Variants in SIPA1 observed in about 807,000 individuals in gnomAD.
SIPA1 encodes the protein signal-induced proliferation-associated protein 1.
A neutral mutation model predicts 88.1 loss-of-function variants in SIPA1; 51 were observed. The ratio of observed to expected loss-of-function variants is 0.58; its 90% CI spans 0.46 to 0.73. SIPA1 has a LOEUF of 0.73. Ranked by LOEUF, SIPA1 falls within the 30% of genes least tolerant of loss-of-function variation. The probability of loss-of-function intolerance (pLI) is 0.00; values close to 1 mark genes in which losing one functional copy is unlikely to be tolerated. For missense variants in SIPA1, 1,348 were observed against 1,467.6 expected, an observed-to-expected ratio of 0.92 and a Z score of 1.33; for synonymous variants, 681 against 664.8, an observed-to-expected ratio of 1.02 and a Z score of -0.37.
rs758072381 is a variant in SIPA1 at position 65,640,888 on chromosome 11, C to T, written c.-34C>T. On this transcript the variant is annotated 5_prime_UTR_variant, in exon 2 of 16. Transcript: ENST00000534313. ...CACCAAACACCCGTGCCCGCCAATG[C>T]GGCCCAGCCCCCGGAGAGTCAGGCC... 17 of 1,448,934 alleles carry T rather than the reference C, an allele frequency of 1.2e-5. No individual in the cohort carries two copies. Among genetic ancestry groups the T allele is most frequent in the Admixed American group, 8.4e-5 (3 of 35,734 alleles). 89.8% of individuals were successfully genotyped at this position (1,448,934 alleles called of 1,614,324 possible).
chr11:65,641,805 C>G (rs764111815), intron 2 of SIPA1, among the ~76,000 whole-genome samples: 5 of 152,194 alleles, frequency 3.3e-5, no homozygotes, highest in Non-Finnish European at 5.9e-5. Context: ...CACCCCCAGC[C>G]AGGGCTGGTC....
intron 5 of SIPA1, 37 bp from the exon 6 acceptor site, chr11:65,645,814 CTTG>C: frequency 6.7e-7 from 1 of 1,484,904 alleles, no homozygotes; most frequent in Non-Finnish European, 9.3e-7. Flanking sequence ...TTAGATTCCC[CTTG>C]TTTTCTCCTT....
chr11:65,646,756 G>C lies in SIPA1; in HGVS notation c.1722G>C (p.Glu574Asp). The change falls in exon 8 of 16, where the codon GAG becomes GAC. Residue 574 changes from glutamate to aspartate, a missense_variant. This residue lies in a region of SIPA1 where 68 missense variants were observed against 59.0 expected (regional missense o/e 1.15). Transcript: ENST00000534313. This position sits in a 1 kb window ranked among gnomAD's most constrained non-coding sequence, Gnocchi z 7.5. ...CGGCCCCTCGGGGCCCAGGCGCCGA[G>C]CTGCAGGCAGCGGGCTCACTGGTGT... ...RRAAPRGPGA[E>D]LQAAGSLVWG... 3 of 1,496,942 alleles carry C rather than the reference G, an allele frequency of 2.0e-6. No individual in the cohort carries two copies. Among genetic ancestry groups the C allele is most frequent in the Middle Eastern group, 2.3e-4 (1 of 4,410 alleles). 92.7% of individuals were successfully genotyped at this position (1,496,942 alleles called of 1,614,324 possible).
Position 65,647,057 on chromosome 11 carries a change from C to A in SIPA1, c.2023C>A (p.Arg675Ser). The change falls in exon 8 of 16, where the codon CGC becomes AGC. Residue 675 changes from arginine (R) to serine (S), a missense_variant. By Grantham distance (110) the Arg-to-Ser change is moderately radical. Coordinates refer to ENST00000534313, the MANE Select transcript of SIPA1 (RefSeq NM_006747.4). Reference protein sequence around the residue: ...PGQAVGEVVARLQLVSRGCET... With the variant: ...PGQAVGEVVASLQLVSRGCET... ...CCAAGCCGTGGGCGAGGTGGTGGCGCGCCTGCAGGTGAGCTGGAGTGGTAA... is the reference window on the plus strand; with the variant it reads ...CCAAGCCGTGGGCGAGGTGGTGGCGAGCCTGCAGGTGAGCTGGAGTGGTAA... The A allele has an allele frequency of 6.5e-7, 1 of 1,539,730 alleles. No individual in the cohort carries two copies. Among genetic ancestry groups the A allele is most frequent in the Admixed American group, 2.0e-5 (1 of 50,726 alleles).
Position 65,647,454 on chromosome 11 carries a change from A to C in SIPA1, c.2102A>C (p.Glu701Ala). 6.7e-7 allele frequency: 1 copy of C among 1,483,002 alleles called. No individual in the cohort carries two copies. 91.9% of individuals were successfully genotyped at this position (1,483,002 alleles called of 1,614,324 possible). A position where few individuals can be genotyped will look rare whatever the true frequency, so the allele number is the denominator to read the frequency against. The change falls in exon 9 of 16, where the codon GAG becomes GCG. Residue 701 changes from glutamate (E) to alanine (A), a missense_variant. Physicochemically the swap from Glu to Ala is moderately radical, Grantham distance 107. Transcript: ENST00000534313. ...PRDGQGRLGF[E>A]VDAEGFVTHV... ...GACGGTCAAGGCCGCCTGGGCTTCGAGGTGGACGCCGAGGGATTCGTCACG... is the reference window on the plus strand; with the variant it reads ...GACGGTCAAGGCCGCCTGGGCTTCGCGGTGGACGCCGAGGGATTCGTCACG...
Position 65,647,010 on chromosome 11 carries a change from T to A in SIPA1, c.1976T>A (p.Leu659Gln). 1 of 1,540,566 alleles carries A rather than the reference T, an allele frequency of 6.5e-7. No individual in the cohort carries two copies. The highest frequency in any genetic ancestry group is 1.4e-5 in the African/African-American group (1 of 73,312). ...CACGGCCGCGGGGAGGCGATCACGCTGCGCTTCGACGGGTCCCCCGGCCAA... is the reference window on the plus strand; with the variant it reads ...CACGGCCGCGGGGAGGCGATCACGCAGCGCTTCGACGGGTCCCCCGGCCAA... ...LYHGRGEAIT[L>Q]RFDGSPGQAV... Residue 659 changes from leucine (L) to glutamine (Q), a missense_variant, in exon 8 of 16, where the codon CTG (leucine) becomes CAG (glutamine). Leu to Gln is a moderately radical substitution (Grantham distance 113). Around this residue, in one of 4 missense-constraint regions of SIPA1, gnomAD observed 615 missense variants for 559.8 expected, o/e 1.10. Transcript: ENST00000534313.
At chr11:65,643,489 C>T (rs1482103767) in intron 4 of SIPA1, among the ~76,000 whole-genome samples, 1 of 152,228 alleles carries the variant, frequency 6.6e-6, no homozygotes, top group Non-Finnish European at 1.5e-5. Flanking sequence ...TGCCAGGCCT[C>T]AGACTGGATG....
intron 10 of SIPA1, 37 bp downstream of exon 10, chr11:65,649,517 T>C: frequency 6.2e-7 from 1 of 1,613,928 alleles, no homozygotes; most frequent in Non-Finnish European, 8.5e-7. Flanking sequence ...TCCAGGCCTC[T>C]GGGAAAGCGG....
chr11:65,640,745 C>G (rs547191384), intron 1 of SIPA1, 86 bp from the exon 2 acceptor site: 1 of 534,138 alleles, frequency 1.9e-6, no homozygotes, highest in East Asian at 3.3e-5. Context: ...GGGCCGGAAG[C>G]CAACACGGGT....
At position 65,650,623 on chromosome 11, in the gene SIPA1, A is replaced by C. The variant is rs151177280; in HGVS notation, c.3037A>C (p.Asn1013His). Residue 1013 changes from asparagine (N) to histidine (H), a missense_variant, in exon 16 of 16, where the codon AAC becomes CAC. Physicochemically the swap from Asn to His is moderately conservative, Grantham distance 68 (BLOSUM62 1). Around this residue, in one of 4 missense-constraint regions of SIPA1, gnomAD observed 615 missense variants for 559.8 expected, o/e 1.10. Transcript: ENST00000534313. ...EEEVRSLRHN[N>H]RRLQAESESA... is the part of the protein sequence containing the mutation. ...GGAGGTGCGGAGCCTGAGACACAAC[A>C]ACCGGCGGCTGCAGGCGGAGTCTGA... is the stretch of plus-strand genomic sequence containing the variant. 43 of 1,578,058 alleles carry C rather than the reference A, an allele frequency of 2.7e-5. No individual in the cohort carries two copies. The highest frequency in any genetic ancestry group is 4.1e-5 in the African/African-American group (3 of 74,026).
chr11:65,643,327 C>G (rs920005259), intron 4 of SIPA1, among the ~76,000 whole-genome samples: 1 of 152,250 alleles, frequency 6.6e-6, no homozygotes, highest in African/African-American at 2.4e-5. Context: ...ACAGCCCCTG[C>G]TGGGTTTCCT....
rs759320086 is a variant in SIPA1, at chr11:65,641,049, C to G, written c.128C>G (p.Pro43Arg). The G allele has an allele frequency of 6.3e-7, 1 of 1,595,452 alleles. No homozygotes were observed. The highest frequency in any genetic ancestry group is 8.5e-7 in the Non-Finnish European group (1 of 1,175,046). Residue 43 changes from proline (P) to arginine (R), a missense_variant, in exon 2 of 16, where the codon CCG (proline) becomes CGG (arginine). This residue lies in a region of SIPA1 where 641 missense variants were observed against 797.7 expected (regional missense o/e 0.80). Transcript: ENST00000534313. ...RPPLTPHTFE[P>R]RPVRGPLLRS... Reference sequence around the variant, plus strand: ...CCGCTGACACCGCACACCTTCGAGCCGAGGCCAGTCCGGGGCCCACTCCTG... The same window carrying G: ...CCGCTGACACCGCACACCTTCGAGCGGAGGCCAGTCCGGGGCCCACTCCTG...
In SIPA1 at chr11:65,647,525, G is replaced by A. The variant is rs1229102768; in HGVS notation, c.2173G>A (p.Gly725Arg). 13 of 1,362,290 alleles carry A rather than the reference G, an allele frequency of 9.5e-6. No homozygotes were observed. In the East Asian group the frequency reaches 4.3e-4, roughly 45 times the overall value. The allele number at this position is 1,362,290 out of a possible 1,614,324, so 84.4% of individuals were successfully genotyped here. A position where few individuals can be genotyped will look rare whatever the true frequency, so the allele number is the denominator to read the frequency against. The stretch of plus-strand genomic sequence containing the variant: ...CGCCGAGACGGCGGGGCTGCGGCCC[G>A]GGGCGCGCCTCCTGCGCGTGTGCGG... ...TFAETAGLRP[G>R]ARLLRVCGQT... Residue 725 changes from glycine to arginine, a missense_variant, in exon 9 of 16, where the codon GGG (glycine) becomes AGG (arginine). Transcript: ENST00000534313.
chr11:65,650,729 A>T lies in SIPA1; in HGVS notation c.*14A>T. 1.9e-6 allele frequency: 3 copies of T among 1,554,606 alleles called. No individual in the cohort carries two copies. The South Asian group carries it at 3.6e-5, about 18-fold the overall frequency. ...GACCTGGCCTGAGCCGTCTGGAACC[A>T]CCTGGGCCCCTGAGGGCACTGTGGT... On this transcript the variant is annotated 3_prime_UTR_variant, in exon 16 of 16. Coordinates refer to ENST00000534313, the MANE Select transcript of SIPA1 (RefSeq NM_006747.4).
Position 65,642,660 on chromosome 11 carries a change from C to G in SIPA1, c.984+21C>G. On this transcript the variant is annotated intron_variant, in intron 4 of 15. Coordinates refer to ENST00000534313, the MANE Select transcript of SIPA1 (RefSeq NM_006747.4). This position sits in a 1 kb window ranked among gnomAD's most constrained non-coding sequence, Gnocchi z 6.5. ...AAGTGGTGAGTGGCGGGCCGCGGAG[C>G]CCCCAGCCATACAGCTGGCCCCAGT... is the stretch of plus-strand genomic sequence containing the variant. 3 of 1,507,516 alleles carry G rather than the reference C, an allele frequency of 2.0e-6. No homozygotes were observed. The highest frequency in any genetic ancestry group is 2.7e-6 in the Non-Finnish European group (3 of 1,127,710). 93.4% of individuals were successfully genotyped at this position (1,507,516 alleles called of 1,614,324 possible).
At position 65,649,500 on chromosome 11, in the gene SIPA1, C is replaced by A. The variant is rs781425269; in HGVS notation, c.2525+20C>A. 1.4e-5 allele frequency: 22 copies of A among 1,613,590 alleles called. No individual in the cohort carries two copies. In the South Asian group the frequency reaches 2.0e-4, roughly 14 times the overall value. Reference sequence around the variant, plus strand: ...ACGCAGGTGCACACTCTTGGCCTTCCCTCTCCTCCAGGCCTCTGGGAAAGC... The same window carrying A: ...ACGCAGGTGCACACTCTTGGCCTTCACTCTCCTCCAGGCCTCTGGGAAAGC... On this transcript the variant is annotated intron_variant, in intron 10 of 15. Coordinates refer to ENST00000534313, the MANE Select transcript of SIPA1 (RefSeq NM_006747.4).
Position 65,644,920 on chromosome 11 carries a change from G to A in SIPA1, c.985-35G>A, listed in dbSNP as rs373473413. ...GAGCTGGTGGGGTGGGGCTGCAGGGGACTGAGACCTATGCCTTCTGTCTCC... is the reference window on the plus strand; with the variant it reads ...GAGCTGGTGGGGTGGGGCTGCAGGGAACTGAGACCTATGCCTTCTGTCTCC... On this transcript the variant is annotated intron_variant, in intron 4 of 15. Coordinates refer to ENST00000534313, the MANE Select transcript of SIPA1 (RefSeq NM_006747.4). The A allele has an allele frequency of 1.4e-5, 23 of 1,591,534 alleles. No individual in the cohort carries two copies. In the East Asian group the frequency reaches 4.5e-4, roughly 31 times the overall value.
chr11:65,638,331 CTCAG>C (rs1178336247), intron 1 of SIPA1, 149 bp downstream of exon 1: 4 of 152,648 alleles, frequency 2.6e-5, no homozygotes, highest in African/African-American at 7.2e-5. Context: ...CGGGCTCCAG[CTCAG>C]TCCCGAGTCA....
chr11:65,641,088 A>C lies in SIPA1; in HGVS notation c.167A>C (p.Asp56Ala). 1 of 1,600,252 alleles carries C rather than the reference A, an allele frequency of 6.2e-7. No individual in the cohort carries two copies. Residue 56 changes from aspartate (D) to alanine (A), a missense_variant, in exon 2 of 16, where the codon GAT becomes GCT. Asp to Ala is a moderately radical substitution (Grantham distance 126). Transcript: ENST00000534313. Reference protein sequence around the residue: ...VRGPLLRSGSDAGEARPPTPA... With the variant: ...VRGPLLRSGSAAGEARPPTPA... Reference sequence around the variant, plus strand: ...GGCCCACTCCTGCGCAGCGGCAGCGATGCAGGCGAGGCCAGGCCCCCCACG... The same window carrying C: ...GGCCCACTCCTGCGCAGCGGCAGCGCTGCAGGCGAGGCCAGGCCCCCCACG...
Sources: allele counts gnomAD v4.1 joint callset (sites outside exome capture counted in the v4.1 genomes callset), GRCh38; gene constraint gnomAD v4.1.1; regional missense constraint gnomAD v4.1.1; non-coding constraint Gnocchi (gnomAD v3.1); transcripts MANE v1.5; gene names NCBI Gene and HGNC (gene_info 2026-07-23, HGNC 2026-07-21).